HYDIN: variants seen among roughly 807,000 people sequenced by gnomAD.
HYDIN encodes the protein HYDIN axonemal central pair apparatus protein.
A neutral mutation model predicts 403.9 loss-of-function variants in HYDIN; 132 were observed. That is an observed-to-expected ratio of 0.33 (90% CI 0.28 to 0.38). HYDIN has a LOEUF of 0.38. Ranked by LOEUF, HYDIN falls within the 10% of genes least tolerant of loss-of-function variation. The pLI is 1.00. For missense variants in HYDIN, 2,827 were observed against 5,009.5 expected (o/e 0.56, Z 13.15); for synonymous variants, 1,202 against 1,891.7 (o/e 0.64, Z 9.46).
chr16:70,883,227 C>G (rs1295861362), intron 59 of HYDIN, among the ~76,000 whole-genome samples: 2 of 151,230 alleles, frequency 1.3e-5, no homozygotes, highest in African/African-American at 4.9e-5. Context: ...CTCTTTGCAC[C>G]TCATCTGCCC....
rs1228323376 is a variant in HYDIN at position 70,853,582 on chromosome 16, G to GA, written c.12443+1545dup. ...GGATGTATGTTGGAGAATTATGAGT[G>GA]AAAAAAACCAATCACAAAAGCAATG... On this transcript the variant is annotated intron_variant, in intron 73 of 85. Transcript: ENST00000393567. 2.0e-5 allele frequency among the ~76,000 whole-genome samples: 3 copies of GA among 147,736 alleles called. No individual in the cohort carries two copies. The South Asian group carries it at 6.3e-4, about 31-fold the overall frequency.
chr16:71,200,155 A>G (rs2087921961), intron 1 of HYDIN, among the ~76,000 whole-genome samples: 1 of 152,234 alleles, frequency 6.6e-6, no homozygotes, highest in South Asian at 2.1e-4. Flanking sequence ...TATGGTCTAA[A>G]AAGGGGAGGC....
At chr16:71,027,537 G>T in intron 20 of HYDIN, 65 bp downstream of exon 20, 1 of 1,588,606 alleles carries the variant, frequency 6.3e-7, no homozygotes, top group Non-Finnish European at 8.6e-7. Context: ...ACTTTCCTAA[G>T]AAATAGATAC....
intron 50 of HYDIN, among the ~76,000 whole-genome samples, chr16:70,906,795 C>G (rs1389136859): frequency 1.4e-4 from 21 of 152,136 alleles, no homozygotes. Flanking sequence ...ATGCCCTCAT[C>G]CTTCTGCCCT....
At chr16:70,889,990 A>G (rs1798450) in intron 57 of HYDIN, among the ~76,000 whole-genome samples, 1 of 152,294 alleles carries the variant, frequency 6.6e-6, no homozygotes, top group African/African-American at 2.4e-5. Context: ...ACTTGAGTTC[A>G]CTGGAAAGCA....
chr16:71,020,987 A>T (rs2080466988), intron 21 of HYDIN, among the ~76,000 whole-genome samples: 1 of 151,484 alleles, frequency 6.6e-6, no homozygotes, highest in African/African-American at 2.4e-5. Context: ...GTGTCATAAG[A>T]CAAAGTCTAA....
intron 18 of HYDIN, among the ~76,000 whole-genome samples, chr16:71,048,295 G>A (rs2081517843): frequency 6.9e-6 from 1 of 144,432 alleles, no homozygotes; most frequent in African/African-American, 2.5e-5. Context: ...TAGTGCTGCA[G>A]TAAGAATGTG....
At chr16:70,830,913 G>C (rs1042833582) in intron 80 of HYDIN, among the ~76,000 whole-genome samples, 5 of 152,018 alleles carry the variant, frequency 3.3e-5, no homozygotes, top group South Asian at 2.1e-4. Flanking sequence ...AAGAGTCCAG[G>C]CTGCAGATAA....
At chr16:70,952,668 C>CA (rs2143922530) in intron 40 of HYDIN, 33 bp from the exon 41 acceptor site, 1 of 1,397,062 alleles carries the variant, frequency 7.2e-7, no homozygotes, top group Admixed American at 2.8e-5. Flanking sequence ...TATTAAAAGT[C>CA]ACCTTAGAAT....
chr16:70,811,854 T>C (rs1315953633), intron 84 of HYDIN, among the ~76,000 whole-genome samples: 2 of 137,556 alleles, frequency 1.5e-5, no homozygotes, highest in Non-Finnish European at 3.1e-5. Context: ...CAAAACTCCA[T>C]CTTGGGAAAA....
chr16:71,173,976 GGGTGTA>G (rs1567407914), intron 5 of HYDIN, among the ~76,000 whole-genome samples: 2 of 151,972 alleles, frequency 1.3e-5, no homozygotes, highest in African/African-American at 2.4e-5. Flanking sequence ...ACAAAAATGA[GGGTGTA>G]GGAATCTCAC....
chr16:71,170,247 A>C (rs972199680), intron 5 of HYDIN, among the ~76,000 whole-genome samples: 2 of 152,208 alleles, frequency 1.3e-5, no homozygotes, highest in African/African-American at 4.8e-5. Context: ...TGTTGTTGTT[A>C]TTGTTTTTAG....
Position 71,020,247 on chromosome 16 carries a change from T to C in HYDIN, c.3257A>G (p.Asn1086Ser), listed in dbSNP as rs775092065. ...GGGTCCAGATGTTGACAGCAACAAG[T>C]TCACGGGCAGGGTGGAAATGTTCTT... ...AIKNISTLPV[N>S]LLLSTSGPFF... Residue 1086 changes from asparagine to serine, a missense_variant, in exon 22 of 86, where the codon AAC (asparagine) becomes AGC (serine). Physicochemically the swap from Asn to Ser is conservative, Grantham distance 46. Coordinates refer to ENST00000393567, the MANE Select transcript of HYDIN (RefSeq NM_001270974.2). 5.0e-6 allele frequency: 8 copies of C among 1,614,048 alleles called. No homozygotes were observed. In the Admixed American group the frequency reaches 1.2e-4, roughly 24 times the overall value.
Position 70,809,847 on chromosome 16 carries a change from C to T in HYDIN, c.14819G>A (p.Ser4940Asn). The T allele has an allele frequency of 3.1e-6, 5 of 1,614,236 alleles. No individual in the cohort carries two copies. The highest frequency in any genetic ancestry group is 4.2e-6 in the Non-Finnish European group (5 of 1,180,034). ...GAACTTCACAAGGATGATTTGGCTG[C>T]TGCCAAGGACAGTCTGGAAGTGAAC... ...KPVHFQTVLGSSQIILVKFIN... is the reference protein window; with the variant it reads ...KPVHFQTVLGNSQIILVKFIN... The change falls in exon 85 of 86, where the codon AGC becomes AAC. Residue 4940 changes from serine to asparagine, a missense_variant. Transcript: ENST00000393567.
intron 23 of HYDIN, among the ~76,000 whole-genome samples, chr16:70,996,435 G>A (rs941038263): frequency 1.8e-4 from 27 of 152,080 alleles, no homozygotes; most frequent in African/African-American, 6.5e-4. Flanking sequence ...CAGTGCACAG[G>A]GGTTCTGAGC....
chr16:71,032,442 T>G (rs4788507), intron 18 of HYDIN, among the ~76,000 whole-genome samples: 8 of 151,926 alleles, frequency 5.3e-5, no homozygotes, highest in Non-Finnish European at 1.0e-4. Flanking sequence ...TAATTTATAA[T>G]AATTAATAAT....
chr16:70,992,478 A>C (rs2079389689), intron 23 of HYDIN, among the ~76,000 whole-genome samples: 2 of 143,598 alleles, frequency 1.4e-5, no homozygotes, highest in Admixed American at 7.1e-5. Context: ...CCCCTTTCAC[A>C]CTTATTTTTA....
chr16:71,087,324 T>C (rs1267964219), intron 12 of HYDIN, among the ~76,000 whole-genome samples: 1 of 151,834 alleles, frequency 6.6e-6, no homozygotes, highest in African/African-American at 2.4e-5. Flanking sequence ...GGGTTATTTT[T>C]TTCTGAGGGT....
intron 21 of HYDIN, among the ~76,000 whole-genome samples, chr16:71,021,299 C>G (rs2080483446): frequency 6.6e-6 from 1 of 151,598 alleles, no homozygotes; most frequent in East Asian, 1.9e-4. Context: ...TCACTGCAAC[C>G]TCTGCCTCTC....
Sources: gnomAD v4.1 joint callset for allele counts (sites outside exome capture counted in the v4.1 genomes callset) on GRCh38, gnomAD v4.1.1 for gene constraint, MANE v1.5 for transcripts, NCBI Gene and HGNC (gene_info 2026-07-23, HGNC 2026-07-21) for gene names.